Variants in ARMC6 observed in about 807,000 individuals in gnomAD.
The protein encoded by ARMC6 is armadillo repeat-containing protein 6.
ARMC6 carries 43 observed loss-of-function variants against 49.2 expected under a neutral mutation model. The observed-to-expected ratio is 0.87, with a 90% CI of 0.69 to 1.13. The LOEUF (loss-of-function observed/expected upper bound fraction) is 1.13, where lower values mean the gene tolerates loss of function less well. Among genes scored for constraint, ARMC6 ranks in the 50% most tolerant of loss-of-function variants. The pLI, the probability that ARMC6 is intolerant of heterozygous loss-of-function variation, is 0.00. For missense variants in ARMC6, 627 were observed against 682.0 expected, an observed-to-expected ratio of 0.92 and a Z score of 0.90; for synonymous variants, 262 against 289.6, an observed-to-expected ratio of 0.90 and a Z score of 0.97.
In ARMC6 at chr19:19,056,051, C is replaced by G. The variant is rs1402082564; in HGVS notation, c.1293+123C>G. On this transcript the variant is annotated intron_variant, in intron 8 of 8. Coordinates refer to ENST00000535612, the MANE Select transcript of ARMC6 (RefSeq NM_001199196.2). ...TGGGGCAAAGGCTCAGTCCCTATCCCTATCCCTGTCCCTGTCCCTCCCACA... is the reference window on the plus strand; with the variant it reads ...TGGGGCAAAGGCTCAGTCCCTATCCGTATCCCTGTCCCTGTCCCTCCCACA... 6.9e-6 allele frequency: 8 copies of G among 1,163,760 alleles called. No homozygotes were observed. The South Asian group carries it at 1.4e-4, about 20-fold the overall frequency. 72.1% of individuals were successfully genotyped at this position (1,163,760 alleles called of 1,614,324 possible). A position where few individuals can be genotyped will look rare whatever the true frequency, so the allele number is the denominator to read the frequency against.
intron 4 of ARMC6, among the ~76,000 whole-genome samples, chr19:19,045,140 A>G (rs2059438925): frequency 6.6e-6 from 1 of 152,048 alleles, no homozygotes; most frequent in Admixed American, 6.6e-5. Flanking sequence ...CCTCCCGAGT[A>G]ACTGGGATTA....
chr19:19,054,500 C>T (rs2059527168), intron 6 of ARMC6, among the ~76,000 whole-genome samples, 179 bp downstream of exon 6: 1 of 152,118 alleles, frequency 6.6e-6, no homozygotes, highest in African/African-American at 2.4e-5. Context: ...ACCTGCTCTC[C>T]CTTATTGTCC....
At chr19:19,054,004 GGTGTTCCCTGGGGCCTTCCTGGTGCCC>G in intron 5 of ARMC6, 121 bp from the exon 6 acceptor site, 1 of 668,146 alleles carries the variant, frequency 1.5e-6, no homozygotes, top group Admixed American at 4.0e-5. Flanking sequence ...GGTAGCCCCT[GGTGTTCCCTGGGGCCTTCCTGGTGCCC>G]GTGGCCACTC....
chr19:19,055,420 C>A lies in ARMC6; in HGVS notation c.1155+24C>A. On this transcript the variant is annotated intron_variant, in intron 7 of 8. Transcript: ENST00000535612. The surrounding 1 kb of genome is among the most constrained non-coding windows in gnomAD (Gnocchi z 5.7). ...AGGTACCCACCTCGGGGGGCACACA[C>A]AGTAGCAGGGTGGTGGCTGGAGTCC... 6.3e-7 allele frequency: 1 copy of A among 1,576,142 alleles called. No homozygotes were observed.
At chr19:19,043,962 C>A in intron 3 of ARMC6, 30 bp from the exon 4 acceptor site, 1 of 1,602,574 alleles carries the variant, frequency 6.2e-7, no homozygotes, top group Non-Finnish European at 8.5e-7. Flanking sequence ...TTTCTGACCC[C>A]TGTGTGCTTG....
At chr19:19,049,691 C>T in intron 4 of ARMC6, among the ~76,000 whole-genome samples, 1 of 152,204 alleles carries the variant, frequency 6.6e-6, no homozygotes. Flanking sequence ...ATTCTACCTT[C>T]TGTTGCTGCA....
chr19:19,049,390 T>C (rs527615692), intron 4 of ARMC6, among the ~76,000 whole-genome samples: 1 of 152,282 alleles, frequency 6.6e-6, no homozygotes, highest in East Asian at 1.9e-4. Flanking sequence ...CCTTGCTAAC[T>C]TAGTAATTCC....
chr19:19,052,276 C>T, intron 5 of ARMC6, 81 bp downstream of exon 5: 3 of 1,318,776 alleles, frequency 2.3e-6, no homozygotes, highest in Non-Finnish European at 3.1e-6. Context: ...GGGCTCAGGA[C>T]TGCTTTAGGC....
At chr19:19,048,647 T>C (rs2059471482) in intron 4 of ARMC6, among the ~76,000 whole-genome samples, 1 of 152,154 alleles carries the variant, frequency 6.6e-6, no homozygotes, top group Non-Finnish European at 1.5e-5. Context: ...GGTAGCAGGC[T>C]TCAGAGAAAA....
At position 19,051,901 on chromosome 19, in the gene ARMC6, C is replaced by T; in HGVS notation, c.559C>T (p.Gln187Ter). 6.2e-7 allele frequency: 1 copy of T among 1,614,152 alleles called. No homozygotes were observed. Among genetic ancestry groups the T allele is most frequent in the Non-Finnish European group, 8.5e-7 (1 of 1,180,036 alleles). The change falls in exon 5 of 9, where the codon CAG (glutamine) becomes TAG (stop). Residue 187 changes from glutamine (Q) to a stop codon, truncating the protein, a stop_gained. Transcript: ENST00000535612. LOFTEE classifies it high-confidence loss of function. ...GLQLLVATLT[Q>*]NADEADLTCS... is the part of the protein sequence containing the mutation. ...GCAGCTCCTAGTGGCCACGCTGACC[C>T]AGAATGCTGATGAGGCTGACCTGAC... is the stretch of plus-strand genomic sequence containing the variant.
In ARMC6 at chr19:19,054,674, T is replaced by A. The variant is rs560331431; in HGVS notation, c.1023+353T>A. On this transcript the variant is annotated intron_variant, in intron 6 of 8. Coordinates refer to ENST00000535612, the MANE Select transcript of ARMC6 (RefSeq NM_001199196.2). The stretch of plus-strand genomic sequence containing the variant: ...GTTTAGCAGCCGATTATTGAGCCCT[T>A]CTCCATGTGCCCATCCACAGCAGGG... Among the ~76,000 whole-genome samples the A allele has an allele frequency of 2.0e-5, 3 of 152,160 alleles. No individual in the cohort carries two copies. In the South Asian group the frequency reaches 6.2e-4, roughly 32 times the overall value.
intron 2 of ARMC6, among the ~76,000 whole-genome samples, chr19:19,040,447 A>G (rs1198345260): frequency 6.6e-6 from 1 of 151,982 alleles, no homozygotes; most frequent in African/African-American, 2.4e-5. Flanking sequence ...AAAAATTGTT[A>G]CTAATTATTG....
rs1466511578 is a variant in ARMC6 at position 19,057,818 on chromosome 19, G to A, written c.*190G>A. The A allele has an allele frequency of 1.3e-6, 1 of 764,334 alleles. No individual in the cohort carries two copies. The highest frequency in any genetic ancestry group is 1.7e-5 in the Admixed American group (1 of 57,278). The allele number at this position is 764,334 out of a possible 1,614,324, so 47.3% of individuals were successfully genotyped here. A position where few individuals can be genotyped will look rare whatever the true frequency, so the allele number is the denominator to read the frequency against. The stretch of plus-strand genomic sequence containing the variant: ...GGAGGCCTCTACACAGAAGAAAGCA[G>A]CCCCCATGTCCCAGCCACTTCTGGG... On this transcript the variant is annotated 3_prime_UTR_variant, in exon 9 of 9. Transcript: ENST00000535612.
Position 19,054,246 on chromosome 19 carries a change from C to T in ARMC6, c.948C>T (p.Leu316=), listed in dbSNP as rs757211966. ...AGTTCTGCCAGGAGGTCGTCGACCT[C>T]GGGGGCCTGAGCATTCTGGTGTCCC... is the stretch of plus-strand genomic sequence containing the variant. ...RNEFCQEVVD[L]GGLSILVSLL... The change falls in exon 6 of 9, where the codon CTC becomes CTT. Residue 316 remains leucine, a synonymous_variant. Transcript: ENST00000535612. The T allele has an allele frequency of 2.5e-6, 4 of 1,611,910 alleles. No homozygotes were observed. Among genetic ancestry groups the T allele is most frequent in the East Asian group, 2.2e-5 (1 of 44,612 alleles).
At chr19:19,053,633 G>A (rs181296996) in intron 5 of ARMC6, among the ~76,000 whole-genome samples, 1 of 152,294 alleles carries the variant, frequency 6.6e-6, no homozygotes, top group East Asian at 1.9e-4. Flanking sequence ...GACCGTCGCA[G>A]CCCTGTGTAG....
chr19:19,046,933 T>TTTTC (rs1568492279), intron 4 of ARMC6, among the ~76,000 whole-genome samples: 2 of 148,296 alleles, frequency 1.3e-5, no homozygotes, highest in Admixed American at 1.3e-4. Flanking sequence ...ACCTGTTTTT[T>TTTTC]TTTTTTTTTC....
chr19:19,042,593 G>T (rs770504894), intron 2 of ARMC6, 118 bp from the exon 3 acceptor site: 4 of 965,138 alleles, frequency 4.1e-6, no homozygotes, highest in African/African-American at 3.2e-5. Context: ...TTTCTCCAGG[G>T]TGGTTGTAGG....
rs376186716 is a variant in ARMC6 at position 19,054,227 on chromosome 19, G to T, written c.929G>T (p.Cys310Phe). The T allele has an allele frequency of 6.2e-7, 1 of 1,611,882 alleles. No homozygotes were observed. The highest frequency in any genetic ancestry group is 1.3e-5 in the African/African-American group (1 of 74,870). Residue 310 changes from cysteine (C) to phenylalanine (F), a missense_variant, in exon 6 of 9, where the codon TGC becomes TTC. Transcript: ENST00000535612. ...LSRLAIRNEF[C>F]QEVVDLGGLS... ...CGCCTGGCCATTCGCAACGAGTTCT[G>T]CCAGGAGGTCGTCGACCTCGGGGGC...
intron 4 of ARMC6, among the ~76,000 whole-genome samples, chr19:19,044,885 T>TA (rs1247784610): frequency 1.3e-5 from 2 of 152,220 alleles, no homozygotes; most frequent in African/African-American, 2.4e-5. Context: ...GCATGACACT[T>TA]ACTTCTCCCT....
Sources: allele counts gnomAD v4.1 joint callset (sites outside exome capture counted in the v4.1 genomes callset), GRCh38; gene constraint gnomAD v4.1.1; non-coding constraint Gnocchi (gnomAD v3.1); transcripts MANE v1.5; gene names NCBI Gene and HGNC (gene_info 2026-07-23, HGNC 2026-07-21).